The following NODAL variants were observed in gnomAD, a reference collection of about 807,000 sequenced individuals.
The protein encoded by NODAL is nodal growth differentiation factor, also known as nodal homolog.
A neutral mutation model predicts 34.0 loss-of-function variants in NODAL; 12 were observed. That is an observed-to-expected ratio of 0.35 (90% CI 0.23 to 0.57). NODAL has a LOEUF of 0.57. Among genes scored for constraint, NODAL ranks in the 20% least tolerant of loss-of-function variants. The pLI is 0.83. For missense variants in NODAL, 390 were observed against 444.2 expected, an observed-to-expected ratio of 0.88 and a Z score of 1.10; for synonymous variants, 162 against 186.4, an observed-to-expected ratio of 0.87 and a Z score of 1.07.
chr10:70,441,799 G>T, upstream of NODAL: 1 of 963,626 alleles, frequency 1.0e-6, no homozygotes, highest in Non-Finnish European at 1.5e-6. Flanking sequence ...AGGGTGGGGG[G>T]CAGAGAGACC....
intron 1 of NODAL, among the ~76,000 whole-genome samples, chr10:70,437,235 G>C (rs1189826011): frequency 1.3e-5 from 2 of 152,176 alleles, no homozygotes; most frequent in Non-Finnish European, 1.5e-5. Flanking sequence ...CTGAGGTCAG[G>C]AGTTCGAAAC....
At chr10:70,445,784 C>CT (rs1845482758), upstream of NODAL, among the ~76,000 whole-genome samples, 2 of 152,214 alleles carry the variant, frequency 1.3e-5, no homozygotes. Flanking sequence ...AAACCCGTTG[C>CT]TTCCCCATAG....
intron 1 of NODAL, chr10:70,436,576 A>AAAAAAAAAG (rs34655666): frequency 1.3e-5 from 2 of 158,156 alleles, no homozygotes; most frequent in African/African-American, 2.4e-5. Flanking sequence ...AAAAAAAAAA[A>AAAAAAAAAG]GAGTGACTTG....
rs894394523 is a variant in NODAL at position 70,441,460 on chromosome 10, C to G, written c.193+15G>C. 1.9e-6 allele frequency: 3 copies of G among 1,564,220 alleles called. No homozygotes were observed. Among genetic ancestry groups the G allele is most frequent in the African/African-American group, 1.4e-5 (1 of 73,698 alleles). ...CGGGGGTGCCCAGCAGGGCGCGGCA[C>G]GCGGCACTGCCTACCTTCTGCCTGT... On this transcript the variant is annotated intron_variant, in intron 1 of 2. Transcript: ENST00000287139.
Position 70,432,097 on chromosome 10 carries a change from AC to A in NODAL, c.*838del, listed in dbSNP as rs1253656754. 1.3e-5 allele frequency among the ~76,000 whole-genome samples: 2 copies of A among 152,246 alleles called. No individual in the cohort carries two copies. Among genetic ancestry groups the A allele is most frequent in the Non-Finnish European group, 2.9e-5 (2 of 68,042 alleles). On this transcript the variant is annotated 3_prime_UTR_variant, in exon 3 of 3. Coordinates refer to ENST00000287139, the MANE Select transcript of NODAL (RefSeq NM_018055.5). ...GTGACCATAGAGCAAGTATCTTGCC[AC>A]CCAGGGCAAGGCCTTCACCACTGCT... is the stretch of plus-strand genomic sequence containing the variant.
intron 1 of NODAL, among the ~76,000 whole-genome samples, chr10:70,440,090 CAAAA>C (rs375984933): frequency 1.2e-3 from 186 of 152,030 alleles, no homozygotes; most frequent in African/African-American, 4.4e-3. Context: ...AACAAACAAA[CAAAA>C]AAACAGTGTT....
At position 70,441,661 on chromosome 10, in the gene NODAL, C is replaced by T. The variant is rs369308826; in HGVS notation, c.7G>A (p.Ala3Thr). Residue 3 changes from alanine (A) to threonine (T), a missense_variant, in exon 1 of 3, where the codon GCC becomes ACC. Transcript: ENST00000287139. MH[A>T]HCLPFLLHAW... is the part of the protein sequence containing the mutation. ...TGCAGAAGGAAGGGCAGGCAGTGGG[C>T]GTGCATGGTGGGCTGGCCAGGCCTG... 2 of 1,549,378 alleles carry T rather than the reference C, an allele frequency of 1.3e-6. No individual in the cohort carries two copies. Among genetic ancestry groups the T allele is most frequent in the African/African-American group, 1.4e-5 (1 of 73,068 alleles).
chr10:70,442,176 C>G (rs1056182628), upstream of NODAL, among the ~76,000 whole-genome samples: 3 of 152,242 alleles, frequency 2.0e-5, no homozygotes, highest in African/African-American at 4.8e-5. Context: ...TGGCCACTGT[C>G]TAGATGGCCT....
At chr10:70,445,042 A>G (rs971871455), upstream of NODAL, among the ~76,000 whole-genome samples, 1 of 152,108 alleles carries the variant, frequency 6.6e-6, no homozygotes, top group Non-Finnish European at 1.5e-5. Context: ...GAAGGCACAG[A>G]CAACTAGATG....
chr10:70,436,069 C>G, intron 1 of NODAL, 86 bp from the exon 2 acceptor site: 1 of 1,126,510 alleles, frequency 8.9e-7, no homozygotes, highest in Non-Finnish European at 1.3e-6. Flanking sequence ...ATAGCTCTTG[C>G]TGGAGGCCTT....
At position 70,432,728 on chromosome 10, in the gene NODAL, C is replaced by T; in HGVS notation, c.*208G>A. Reference sequence around the variant, plus strand: ...AGCCCCCTGCACAGGCTTCTTCCTCCCTCTTCCTGACAGCAGCCTCTGTGC... The same window carrying T: ...AGCCCCCTGCACAGGCTTCTTCCTCTCTCTTCCTGACAGCAGCCTCTGTGC... On this transcript the variant is annotated 3_prime_UTR_variant, in exon 3 of 3. Coordinates refer to ENST00000287139, the MANE Select transcript of NODAL (RefSeq NM_018055.5). The T allele has an allele frequency of 6.5e-6, 4 of 618,118 alleles. No individual in the cohort carries two copies. The highest frequency in any genetic ancestry group is 8.7e-6 in the Non-Finnish European group (3 of 345,604). 38.3% of individuals were successfully genotyped at this position (618,118 alleles called of 1,614,324 possible).
chr10:70,439,054 G>T (rs1210535316), intron 1 of NODAL, among the ~76,000 whole-genome samples: 1 of 151,724 alleles, frequency 6.6e-6, no homozygotes, highest in Non-Finnish European at 1.5e-5. Flanking sequence ...GGCCAGGCTC[G>T]AGTGCAGTGG....
At chr10:70,437,329 A>G (rs1845369257) in intron 1 of NODAL, among the ~76,000 whole-genome samples, 2 of 152,172 alleles carry the variant, frequency 1.3e-5, no homozygotes, top group South Asian at 2.1e-4. Flanking sequence ...AATCCCAGCT[A>G]CTCAGGAAGG....
chr10:70,442,042 G>T (rs915728546), upstream of NODAL, among the ~76,000 whole-genome samples: 2 of 152,154 alleles, frequency 1.3e-5, no homozygotes, highest in African/African-American at 4.8e-5. Context: ...TGGGATCCCT[G>T]CCCCATCCTC....
At chr10:70,437,547 C>T (rs974576407) in intron 1 of NODAL, among the ~76,000 whole-genome samples, 2 of 152,062 alleles carry the variant, frequency 1.3e-5, no homozygotes, top group African/African-American at 4.8e-5. Flanking sequence ...TCACAAGGAC[C>T]CAGAGAAATA....
At chr10:70,433,159 G>C in intron 2 of NODAL, 71 bp from the exon 3 acceptor site, 1 of 1,579,096 alleles carries the variant, frequency 6.3e-7, no homozygotes, top group Non-Finnish European at 8.7e-7. Context: ...TCTGGGTAAA[G>C]AGTAAAAAAG....
intron 1 of NODAL, among the ~76,000 whole-genome samples, chr10:70,437,589 G>T (rs558720193): frequency 6.6e-6 from 1 of 152,332 alleles, no homozygotes; most frequent in Non-Finnish European, 1.5e-5. Flanking sequence ...CTAAATAAAA[G>T]TTGGGGTTAT....
At chr10:70,436,635 G>C (rs1225981498) in intron 1 of NODAL, 1 of 153,022 alleles carries the variant, frequency 6.5e-6, no homozygotes, top group Non-Finnish European at 1.4e-5. Flanking sequence ...AAAGCTCAGA[G>C]CTCTCAGGGA....
At chr10:70,434,056 C>T (rs1429291654) in intron 2 of NODAL, among the ~76,000 whole-genome samples, 1 of 152,166 alleles carries the variant, frequency 6.6e-6, no homozygotes, top group Non-Finnish European at 1.5e-5. Flanking sequence ...CCTTGCATGA[C>T]CTCAGCCCAT....
Sources: gnomAD v4.1 joint callset for allele counts (sites outside exome capture counted in the v4.1 genomes callset) on GRCh38, gnomAD v4.1.1 for gene constraint, MANE v1.5 for transcripts, NCBI Gene and HGNC (gene_info 2026-07-23, HGNC 2026-07-21) for gene names.